The following BTLA variants were observed in gnomAD, a reference collection of about 807,000 sequenced individuals.
BTLA encodes B- and T-lymphocyte attenuator.
BTLA carries 11 observed loss-of-function variants against 25.0 expected under a neutral mutation model. The observed-to-expected ratio is 0.44, with a 90% CI of 0.28 to 0.73. BTLA has a LOEUF of 0.73. BTLA is among the 30% of genes least tolerant of loss of function. The probability of loss-of-function intolerance (pLI) is 0.15; values close to 1 mark genes in which losing one functional copy is unlikely to be tolerated. For missense variants in BTLA, 282 were observed against 332.8 expected (o/e 0.85, Z 1.19); for synonymous variants, 104 against 119.8 (o/e 0.87, Z 0.86).
chr3:112,480,332 G>A (rs558966176), intron 1 of BTLA, among the ~76,000 whole-genome samples: 54 of 152,288 alleles, frequency 3.5e-4, no homozygotes, highest in East Asian at 1.2e-3. Context: ...GACTCAGCCC[G>A]CCTGCAAGGT....
At chr3:112,466,782 G>A (rs2082230386) in intron 4 of BTLA, among the ~76,000 whole-genome samples, 1 of 152,034 alleles carries the variant, frequency 6.6e-6, no homozygotes, top group African/African-American at 2.4e-5. Flanking sequence ...TAAGGATAAA[G>A]CAGAACAAAT....
chr3:112,464,990 T>C lies in BTLA; in HGVS notation c.*1118A>G, dbSNP rs2082217699. ...ATAAAATTATAGGCTATTTTTGAAA[T>C]AGTTTAACTCAAGTACTTTGGAAAG... On this transcript the variant is annotated 3_prime_UTR_variant, in exon 5 of 5. Coordinates refer to ENST00000334529, the MANE Select transcript of BTLA (RefSeq NM_181780.4). The C allele has an allele frequency of 6.6e-6, 1 of 152,238 alleles. No homozygotes were observed. The highest frequency in any genetic ancestry group is 2.4e-5 in the African/African-American group (1 of 41,470). The allele number at this position is 152,238 out of a possible 1,614,324, so 9.4% of individuals were successfully genotyped here. A position where few individuals can be genotyped will look rare whatever the true frequency, so the allele number is the denominator to read the frequency against.
intron 1 of BTLA, among the ~76,000 whole-genome samples, chr3:112,485,937 C>A (rs113631849): frequency 6.6e-6 from 1 of 152,100 alleles, no homozygotes; most frequent in Non-Finnish European, 1.5e-5. Context: ...ACGGTGAAAC[C>A]CCGTCTCTAC....
Position 112,486,583 on chromosome 3 carries a change from GT to G in BTLA, c.89-6815del, listed in dbSNP as rs1354496284. 3.3e-5 allele frequency among the ~76,000 whole-genome samples: 5 copies of G among 152,246 alleles called. No homozygotes were observed. In the South Asian group the frequency reaches 1.0e-3, roughly 32 times the overall value. On this transcript the variant is annotated intron_variant, in intron 1 of 4. Coordinates refer to ENST00000334529, the MANE Select transcript of BTLA (RefSeq NM_181780.4). ...GTTATAGTCTGATATAATAGTTTAT[GT>G]AAATAGTTGTCCAATAACTAATAAA...
In BTLA at chr3:112,464,053, C is replaced by G. The variant is rs780903388; in HGVS notation, c.*2055G>C. On this transcript the variant is annotated 3_prime_UTR_variant, in exon 5 of 5. Coordinates refer to ENST00000334529, the MANE Select transcript of BTLA (RefSeq NM_181780.4). ...TTGTGAAAAACCATTAAATTATCTACATATTCTTTTTCTCAAACCCTCTAT... is the reference window on the plus strand; with the variant it reads ...TTGTGAAAAACCATTAAATTATCTAGATATTCTTTTTCTCAAACCCTCTAT... 11 of 397,122 alleles carry G rather than the reference C, an allele frequency of 2.8e-5. No individual in the cohort carries two copies. Among genetic ancestry groups the G allele is most frequent in the Non-Finnish European group, 4.4e-5 (10 of 225,230 alleles). 24.6% of individuals were successfully genotyped at this position (397,122 alleles called of 1,614,324 possible).
chr3:112,486,674 A>G (rs1473479694), intron 1 of BTLA, among the ~76,000 whole-genome samples: 1 of 152,214 alleles, frequency 6.6e-6, no homozygotes, highest in Non-Finnish European at 1.5e-5. Context: ...TTGTAACACT[A>G]AAGTTTTATT....
At chr3:112,479,154 T>C (rs2082304653) in intron 2 of BTLA, among the ~76,000 whole-genome samples, 1 of 152,182 alleles carries the variant, frequency 6.6e-6, no homozygotes, top group South Asian at 2.1e-4. Flanking sequence ...ATTCACTTTA[T>C]AATTTTTTCA....
intron 1 of BTLA, among the ~76,000 whole-genome samples, chr3:112,485,148 G>A (rs774807635): frequency 6.6e-6 from 1 of 152,042 alleles, no homozygotes; most frequent in Non-Finnish European, 1.5e-5. Context: ...AGGTTCAAGC[G>A]ATTCTCCTGC....
Position 112,479,567 on chromosome 3 carries a change from A to T in BTLA, c.291T>A (p.Phe97Leu), listed in dbSNP as rs1170296918. The T allele has an allele frequency of 6.2e-7, 1 of 1,613,998 alleles. No homozygotes were observed. Among genetic ancestry groups the T allele is most frequent in the Non-Finnish European group, 8.5e-7 (1 of 1,179,946 alleles). The change falls in exon 2 of 5, where the codon TTT (phenylalanine) becomes TTA (leucine). Residue 97 changes from phenylalanine (F) to leucine (L), a missense_variant. By Grantham distance (22) the Phe-to-Leu change is conservative. This residue lies in a region of BTLA where 163 missense variants were observed against 230.4 expected (regional missense o/e 0.71). Transcript: ENST00000334529. ...GCACTGGTTCAAAATGTAGAATGAA[A>T]AATGAAATGTTCTTCTCTTCCTTCC... ...TSWKEEKNISFFILHFEPVLP... is the reference protein window; with the variant it reads ...TSWKEEKNISLFILHFEPVLP...
chr3:112,466,759 A>G (rs1191559150), intron 4 of BTLA, among the ~76,000 whole-genome samples: 1 of 152,222 alleles, frequency 6.6e-6, no homozygotes, highest in African/African-American at 2.4e-5. Context: ...AATGCAGTTT[A>G]GAATAAAAAG....
rs980629420 is a variant in BTLA, at chr3:112,464,023, A to G, written c.*2085T>C. 1 of 396,166 alleles carries G rather than the reference A, an allele frequency of 2.5e-6. No homozygotes were observed. Among genetic ancestry groups the G allele is most frequent in the Non-Finnish European group, 4.5e-6 (1 of 224,544 alleles). 24.5% of individuals were successfully genotyped at this position (396,166 alleles called of 1,614,324 possible). On this transcript the variant is annotated 3_prime_UTR_variant, in exon 5 of 5. Coordinates refer to ENST00000334529, the MANE Select transcript of BTLA (RefSeq NM_181780.4). ...TCTCATTGAGCACAATCACAAGCTT[A>G]AAATTTGTGAAAAACCATTAAATTA...
intron 1 of BTLA, among the ~76,000 whole-genome samples, chr3:112,494,788 G>A (rs2107340900): frequency 6.6e-6 from 1 of 152,154 alleles, no homozygotes; most frequent in Admixed American, 6.5e-5. Flanking sequence ...CTTAGAGGAT[G>A]GGTCAATAGG....
At chr3:112,485,023 T>TAGC (rs1275369435) in intron 1 of BTLA, among the ~76,000 whole-genome samples, 3 of 152,064 alleles carry the variant, frequency 2.0e-5, no homozygotes, top group African/African-American at 7.2e-5. Context: ...CTGAGACAAA[T>TAGC]AGCACAATTC....
rs781384139 is a variant in BTLA at position 112,471,326 on chromosome 3, T to C, written c.433A>G (p.Lys145Glu). The C allele has an allele frequency of 6.2e-7, 1 of 1,613,892 alleles. No homozygotes were observed. The highest frequency in any genetic ancestry group is 8.5e-7 in the Non-Finnish European group (1 of 1,179,858). Residue 145 changes from lysine (K) to glutamate (E), a missense_variant, in exon 3 of 5, where the codon AAG (lysine) becomes GAG (glutamate). Physicochemically the swap from Lys to Glu is moderately conservative, Grantham distance 56. This residue lies in a region of BTLA where 163 missense variants were observed against 230.4 expected (regional missense o/e 0.71). Coordinates refer to ENST00000334529, the MANE Select transcript of BTLA (RefSeq NM_181780.4). ...CAGGGTCTGCTTGCCATTTCGTCCT[T>C]GGAGGGTCGTTCTGAGGCACTTTTT... ...DVKSASERPS[K>E]DEMASRPWLL... is the part of the protein sequence containing the mutation.
intron 2 of BTLA, among the ~76,000 whole-genome samples, chr3:112,471,730 A>T (rs1331597634): frequency 6.6e-6 from 1 of 152,210 alleles, no homozygotes; most frequent in Non-Finnish European, 1.5e-5. Context: ...GAGTTGCTCC[A>T]AGTCAGATAG....
chr3:112,492,763 C>T (rs545360054), intron 1 of BTLA, among the ~76,000 whole-genome samples: 3 of 152,240 alleles, frequency 2.0e-5, no homozygotes, highest in South Asian at 2.1e-4. Flanking sequence ...GGGGCCATAA[C>T]CCCCCAGATA....
intron 1 of BTLA, among the ~76,000 whole-genome samples, chr3:112,496,788 T>C (rs2082411546): frequency 6.6e-6 from 1 of 152,072 alleles, no homozygotes; most frequent in South Asian, 2.1e-4. Flanking sequence ...AGTGCAGTGG[T>C]GTGATCTCAG....
At chr3:112,473,317 C>T (rs2082272638) in intron 2 of BTLA, among the ~76,000 whole-genome samples, 1 of 152,046 alleles carries the variant, frequency 6.6e-6, no homozygotes, top group African/African-American at 2.4e-5. Flanking sequence ...ATCAACCCCA[C>T]GATCATTGAC....
chr3:112,496,812 C>T (rs1035161750), intron 1 of BTLA, among the ~76,000 whole-genome samples: 1 of 152,084 alleles, frequency 6.6e-6, no homozygotes, highest in African/African-American at 2.4e-5. Flanking sequence ...ACTGCAACCT[C>T]TGCCTCCTGG....
Sources: gnomAD v4.1 joint callset for allele counts (sites outside exome capture counted in the v4.1 genomes callset) on GRCh38, gnomAD v4.1.1 for gene constraint, gnomAD v4.1.1 regional missense constraint, MANE v1.5 for transcripts, NCBI Gene and HGNC (gene_info 2026-07-23, HGNC 2026-07-21) for gene names.